Variants in HKDC1 observed in about 807,000 individuals in gnomAD.
HKDC1 encodes hexokinase domain containing 1, also known as hexokinase HKDC1.
HKDC1 carries 66 observed loss-of-function variants against 96.6 expected under a neutral mutation model. The ratio of observed to expected loss-of-function variants is 0.68; its 90% CI spans 0.56 to 0.84. HKDC1 has a LOEUF of 0.84. Among genes scored for constraint, HKDC1 ranks in the 40% least tolerant of loss-of-function variants. The pLI is 0.00. For missense variants in HKDC1, 1,211 were observed against 1,208.1 expected (o/e 1.00, Z -0.04); for synonymous variants, 466 against 473.1 (o/e 0.98, Z 0.20).
At chr10:69,237,520 A>C (rs899804782) in intron 4 of HKDC1, among the ~76,000 whole-genome samples, 1 of 152,268 alleles carries the variant, frequency 6.6e-6, no homozygotes, top group African/African-American at 2.4e-5. Flanking sequence ...AGTTTAGCAA[A>C]TCTATGGTTG....
intron 16 of HKDC1, 51 bp from the exon 17 acceptor site, chr10:69,265,534 A>T: frequency 6.5e-7 from 1 of 1,529,850 alleles, no homozygotes. Flanking sequence ...CACTGGGCAC[A>T]TCCCGGGGTC....
Position 69,248,663 on chromosome 10 carries a change from A to AGAGCCACGGGC in HKDC1, c.1506_1516dup (p.Leu506ArgfsTer42), listed in dbSNP as rs1388362428. 1 of 1,614,028 alleles carries AGAGCCACGGGC rather than the reference A, an allele frequency of 6.2e-7. No homozygotes were observed. Among genetic ancestry groups the AGAGCCACGGGC allele is most frequent in the African/African-American group, 1.3e-5 (1 of 74,954 alleles). ...GAGCTGGAGTATGGGCTGAAGAAGA[A>AGAGCCACGGGC]GAGCCACGGGCTGGCCACGGTCAGG... On this transcript the variant is annotated frameshift_variant, in exon 10 of 18. Coordinates refer to ENST00000354624, the MANE Select transcript of HKDC1 (RefSeq NM_025130.4). LOFTEE classifies it high-confidence loss of function.
intron 9 of HKDC1, among the ~76,000 whole-genome samples, chr10:69,247,993 T>C (rs1368530337): frequency 6.6e-6 from 1 of 152,156 alleles, no homozygotes; most frequent in Admixed American, 6.5e-5. Flanking sequence ...TGGCACAGGT[T>C]GCCAAGATTA....
intron 7 of HKDC1, among the ~76,000 whole-genome samples, chr10:69,244,055 C>G (rs1410155448): frequency 6.6e-6 from 1 of 152,042 alleles, no homozygotes; most frequent in South Asian, 2.1e-4. Context: ...GCATGTCCCC[C>G]AGCCGCCTTG....
intron 14 of HKDC1, 64 bp downstream of exon 14, chr10:69,257,490 C>A: frequency 2.4e-6 from 3 of 1,247,390 alleles, no homozygotes; most frequent in Non-Finnish European, 3.5e-6. Flanking sequence ...TTCCTTTTAA[C>A]ATAGTGAGAG....
At chr10:69,265,468 G>A in intron 16 of HKDC1, 117 bp from the exon 17 acceptor site, 2 of 853,130 alleles carry the variant, frequency 2.3e-6, no homozygotes, top group South Asian at 3.0e-5. Flanking sequence ...CCATTGCCTG[G>A]GTCAATTTCT....
At position 69,238,587 on chromosome 10, in the gene HKDC1, A is replaced by G. The variant is rs1245927424; in HGVS notation, c.496-455A>G. 5.9e-5 allele frequency among the ~76,000 whole-genome samples: 2 copies of G among 33,866 alleles called. 1 individual carries two copies. Among genetic ancestry groups the G allele is most frequent in the African/African-American group, 3.3e-4 (2 of 6,002 alleles). 22.2% of individuals were successfully genotyped at this position (33,866 alleles called of 152,430 possible). On this transcript the variant is annotated intron_variant, in intron 4 of 17. Coordinates refer to ENST00000354624, the MANE Select transcript of HKDC1 (RefSeq NM_025130.4). The stretch of plus-strand genomic sequence containing the variant: ...GAGACGGGGTTTCACCTTGTTAGCC[A>G]GGATGGTCTCGATCTCCTGACCTCA...
Position 69,261,212 on chromosome 10 carries a change from G to T in HKDC1, c.2290G>T (p.Gly764Cys), listed in dbSNP as rs749723837. Residue 764 changes from glycine (G) to cysteine (C), a missense_variant, in exon 16 of 18, where the codon GGT becomes TGT. Physicochemically the swap from Gly to Cys is radical, Grantham distance 159. Transcript: ENST00000354624. ...RQILIDLTKQGLLFRGQISER... is the reference protein window; with the variant it reads ...RQILIDLTKQCLLFRGQISER... Reference sequence around the variant, plus strand: ...GATCCTGATCGACCTGACCAAGCAGGGTCTCCTCTTCCGAGGGCAGATTTC... The same window carrying T: ...GATCCTGATCGACCTGACCAAGCAGTGTCTCCTCTTCCGAGGGCAGATTTC... The T allele has an allele frequency of 3.1e-6, 5 of 1,613,900 alleles. No individual in the cohort carries two copies. In the Admixed American group the frequency reaches 8.3e-5, roughly 27 times the overall value.
intron 1 of HKDC1, among the ~76,000 whole-genome samples, chr10:69,220,915 C>T (rs1474231312): frequency 2.6e-5 from 4 of 152,100 alleles, no homozygotes; most frequent in Non-Finnish European, 5.9e-5. Context: ...TTTAGGAGGC[C>T]GAGGTGGGCG....
intron 1 of HKDC1, among the ~76,000 whole-genome samples, chr10:69,224,900 T>C (rs1023160014): frequency 1.3e-5 from 2 of 152,204 alleles, no homozygotes; most frequent in East Asian, 3.8e-4. Context: ...TCTCCCTTAG[T>C]GCCTGGGACG....
At chr10:69,237,296 T>TGC (rs2132345744) in intron 4 of HKDC1, among the ~76,000 whole-genome samples, 1 of 151,812 alleles carries the variant, frequency 6.6e-6, no homozygotes, top group East Asian at 1.9e-4. Context: ...TGTGTGTGTG[T>TGC]GTGTGTGTGT....
intron 11 of HKDC1, 43 bp downstream of exon 11, chr10:69,250,478 G>A: frequency 6.2e-7 from 1 of 1,611,982 alleles, no homozygotes; most frequent in Non-Finnish European, 8.5e-7. Flanking sequence ...GTGCCAGCCT[G>A]CCACCCTGCA....
intron 12 of HKDC1, among the ~76,000 whole-genome samples, chr10:69,253,523 T>G (rs532418557): frequency 6.6e-6 from 1 of 152,372 alleles, no homozygotes; most frequent in South Asian, 2.1e-4. Context: ...GTTTCCCATA[T>G]GAATAACCTT....
intron 2 of HKDC1, among the ~76,000 whole-genome samples, chr10:69,229,858 C>T (rs550016228): frequency 3.2e-4 from 49 of 152,212 alleles, no homozygotes; most frequent in Admixed American, 1.4e-3. Context: ...TGGTAAATCC[C>T]GGCACCATAC....
At chr10:69,249,363 C>G (rs1310322696) in intron 10 of HKDC1, among the ~76,000 whole-genome samples, 1 of 152,202 alleles carries the variant, frequency 6.6e-6, no homozygotes, top group East Asian at 1.9e-4. Flanking sequence ...GGAACGTTAC[C>G]AAAGAGGAAA....
Position 69,267,535 on chromosome 10 carries a change from T to A in HKDC1, c.*778T>A, listed in dbSNP as rs1175287428. On this transcript the variant is annotated 3_prime_UTR_variant, in exon 18 of 18. Transcript: ENST00000354624. ...GAAATCCAGTAAATTAATAAAAAAA[T>A]TTTGATTTTCCAATAAACTTTGCAT... 8 of 450,734 alleles carry A rather than the reference T, an allele frequency of 1.8e-5. No individual in the cohort carries two copies. Among genetic ancestry groups the A allele is most frequent in the East Asian group, 7.0e-5 (1 of 14,374 alleles). 27.9% of individuals were successfully genotyped at this position (450,734 alleles called of 1,614,324 possible).
chr10:69,250,901 A>G (rs1042686951), intron 12 of HKDC1, among the ~76,000 whole-genome samples: 2 of 152,158 alleles, frequency 1.3e-5, no homozygotes, highest in Non-Finnish European at 2.9e-5. Flanking sequence ...TATTCCTACT[A>G]AAAGAGAGGT....
At chr10:69,220,573 A>T in intron 1 of HKDC1, 75 bp downstream of exon 1, 1 of 1,075,348 alleles carries the variant, frequency 9.3e-7, no homozygotes, top group Non-Finnish European at 1.3e-6. Context: ...TAAAAAAAAA[A>T]TCAGAAGGGA....
At chr10:69,240,284 C>A (rs1843434206) in intron 5 of HKDC1, among the ~76,000 whole-genome samples, 1 of 152,070 alleles carries the variant, frequency 6.6e-6, no homozygotes, top group African/African-American at 2.4e-5. Context: ...GAACAGCCAT[C>A]ACACTCTAGC....
Sources: allele counts gnomAD v4.1 joint callset (sites outside exome capture counted in the v4.1 genomes callset), GRCh38; gene constraint gnomAD v4.1.1; transcripts MANE v1.5; gene names NCBI Gene and HGNC (gene_info 2026-07-23, HGNC 2026-07-21).